LRPPRC: variants seen among roughly 807,000 people sequenced by gnomAD.
LRPPRC encodes leucine rich pentatricopeptide repeat containing.
Under a neutral mutation model 180.3 loss-of-function variants are expected in LRPPRC, and 120 were observed. The ratio of observed to expected loss-of-function variants is 0.67; its 90% CI spans 0.57 to 0.77. LRPPRC has a LOEUF of 0.77. Among genes scored for constraint, LRPPRC ranks in the 30% least tolerant of loss-of-function variants. LRPPRC has a pLI of 0.00. For missense variants in LRPPRC, 2,012 were observed against 1,657.2 expected (o/e 1.21, Z -3.72); for synonymous variants, 723 against 600.0 (o/e 1.21, Z -3.00).
chr2:43,974,095 G>A, intron 9 of LRPPRC, 55 bp downstream of exon 9: 8 of 1,505,410 alleles, frequency 5.3e-6, no homozygotes, highest in Non-Finnish European at 7.4e-6. Context: ...ATACTTTAAA[G>A]AATCTTATTT....
chr2:43,961,822 G>A (rs1399739222), intron 12 of LRPPRC, among the ~76,000 whole-genome samples: 1 of 152,116 alleles, frequency 6.6e-6, no homozygotes, highest in Non-Finnish European at 1.5e-5. Flanking sequence ...TCAGCTGGGT[G>A]TGGTGGTGGG....
chr2:43,947,236 A>C (rs1259314145), intron 20 of LRPPRC, 21 bp downstream of exon 20: 2 of 1,222,918 alleles, frequency 1.6e-6, no homozygotes, highest in Non-Finnish European at 1.2e-6. Flanking sequence ...AATAATATTT[A>C]AATATTAAAA....
chr2:43,975,089 A>G lies in LRPPRC; in HGVS notation c.864+2T>C, dbSNP rs863224053. ...GTATGTTTATTTAGACATAAGTCATACCTGCTTAACATGGTCAATGTCGCC... is the reference window on the plus strand; with the variant it reads ...GTATGTTTATTTAGACATAAGTCATGCCTGCTTAACATGGTCAATGTCGCC... On this transcript the variant is annotated splice_donor_variant, in intron 7 of 37. Transcript: ENST00000260665. LOFTEE classifies it high-confidence loss of function. The G allele has an allele frequency of 1.2e-6, 2 of 1,612,382 alleles. No individual in the cohort carries two copies. The highest frequency in any genetic ancestry group is 2.7e-5 in the African/African-American group (2 of 74,918).
chr2:43,922,211 T>C (rs370591523), intron 27 of LRPPRC, among the ~76,000 whole-genome samples: 5 of 152,214 alleles, frequency 3.3e-5, no homozygotes, highest in African/African-American at 9.6e-5. Flanking sequence ...ATTGAGTCCA[T>C]AGAAAATGAA....
chr2:43,926,357 A>G (rs1671877769), intron 25 of LRPPRC, among the ~76,000 whole-genome samples: 1 of 152,170 alleles, frequency 6.6e-6, no homozygotes, highest in African/African-American at 2.4e-5. Context: ...TCAAATAAAA[A>G]GTGTGTGTCA....
intron 29 of LRPPRC, among the ~76,000 whole-genome samples, chr2:43,917,285 A>G (rs1350875718): frequency 2.0e-5 from 3 of 151,796 alleles, no homozygotes; most frequent in Non-Finnish European, 4.4e-5. Context: ...GTGATCTGCC[A>G]GCTTTGGGAG....
At chr2:43,905,081 T>A (rs1671024837) in intron 31 of LRPPRC, among the ~76,000 whole-genome samples, 2 of 152,178 alleles carry the variant, frequency 1.3e-5, no homozygotes, top group African/African-American at 4.8e-5. Flanking sequence ...CATGTCCACA[T>A]CTTTCAGGTG....
At chr2:43,901,606 T>A (rs1670889751) in intron 31 of LRPPRC, 82 bp from the exon 32 acceptor site, 1 of 845,138 alleles carries the variant, frequency 1.2e-6, no homozygotes, top group Non-Finnish European at 2.0e-6. Flanking sequence ...CTTTTAAATA[T>A]GAGCACCAAA....
At chr2:43,988,568 AAAC>A (rs1674635829) in intron 1 of LRPPRC, among the ~76,000 whole-genome samples, 2 of 151,952 alleles carry the variant, frequency 1.3e-5, no homozygotes, top group African/African-American at 2.4e-5. Context: ...ACTGCTCAAT[AAAC>A]AATAGCTGTC....
In LRPPRC at chr2:43,887,603, G is replaced by A. The variant is rs1295650334; in HGVS notation, c.*997C>T. 1 of 152,080 alleles carries A rather than the reference G, an allele frequency of 6.6e-6. No homozygotes were observed. The highest frequency in any genetic ancestry group is 1.5e-5 in the Non-Finnish European group (1 of 68,018). The allele number at this position is 152,080 out of a possible 1,614,324, so 9.4% of individuals were successfully genotyped here. ...TTCTCAAAACATTTTCAACATTTCG[G>A]TAATTAATTACCTCATCTCCAGTTA... On this transcript the variant is annotated 3_prime_UTR_variant, in exon 38 of 38. Coordinates refer to ENST00000260665, the MANE Select transcript of LRPPRC (RefSeq NM_133259.4).
chr2:43,914,217 G>A (rs2105016029), intron 29 of LRPPRC, among the ~76,000 whole-genome samples: 1 of 152,062 alleles, frequency 6.6e-6, no homozygotes, highest in South Asian at 2.1e-4. Flanking sequence ...AACTTGGTGT[G>A]GCTGTGTAAT....
At chr2:43,935,341 T>C (rs1483689475) in intron 23 of LRPPRC, among the ~76,000 whole-genome samples, 1 of 152,198 alleles carries the variant, frequency 6.6e-6, no homozygotes, top group Non-Finnish European at 1.5e-5. Context: ...CACCAATAGC[T>C]AATAAGGAAT....
intron 13 of LRPPRC, among the ~76,000 whole-genome samples, chr2:43,958,304 G>T (rs1055702513): frequency 4.6e-5 from 7 of 152,126 alleles, no homozygotes; most frequent in African/African-American, 1.2e-4. Flanking sequence ...AATACAAAAA[G>T]GATGGGATTA....
chr2:43,953,216 CAT>C (rs1047159384), intron 14 of LRPPRC, among the ~76,000 whole-genome samples: 3 of 152,140 alleles, frequency 2.0e-5, no homozygotes, highest in Admixed American at 6.5e-5. Context: ...TATAAACATT[CAT>C]AGTTACGAAG....
At chr2:43,929,086 G>A (rs893537757) in intron 25 of LRPPRC, among the ~76,000 whole-genome samples, 2 of 152,098 alleles carry the variant, frequency 1.3e-5, no homozygotes, top group Non-Finnish European at 2.9e-5. Context: ...TTTTGATACC[G>A]TAAGTTTATG....
At chr2:43,971,927 A>G (rs1192583881) in intron 11 of LRPPRC, among the ~76,000 whole-genome samples, 1 of 152,216 alleles carries the variant, frequency 6.6e-6, no homozygotes, top group Non-Finnish European at 1.5e-5. Context: ...AGAACACACA[A>G]TATAAAAGCA....
At position 43,975,365 on chromosome 2, in the gene LRPPRC, G is replaced by A. The variant is rs992307405; in HGVS notation, c.738-148C>T. The A allele has an allele frequency of 5.2e-5, 32 of 617,820 alleles. No homozygotes were observed. In the African/African-American group the frequency reaches 5.2e-4, roughly 10 times the overall value. The allele number at this position is 617,820 out of a possible 1,614,324, so 38.3% of individuals were successfully genotyped here. The stretch of plus-strand genomic sequence containing the variant: ...AAAAGAACTAATGTATATTAAACTG[G>A]ATATATGTTTCTGAAATAATAAAGA... On this transcript the variant is annotated intron_variant, in intron 6 of 37. Transcript: ENST00000260665.
chr2:43,957,426 C>T lies in LRPPRC; in HGVS notation c.1608G>A (p.Ser536=), dbSNP rs557100519. ...GTAGGCTACTTCTTATAGACTGCAGCGAGATGGGCAATGTATTTGATTTCA... is the reference window on the plus strand; with the variant it reads ...GTAGGCTACTTCTTATAGACTGCAGTGAGATGGGCAATGTATTTGATTTCA... The part of the protein sequence containing the change: ...SFLKSNTLPI[S]LQSIRSSLLL... Residue 536 remains serine (S), a synonymous_variant, in exon 14 of 38, where the codon TCG becomes TCA. Transcript: ENST00000260665. The T allele has an allele frequency of 2.5e-6, 4 of 1,613,218 alleles. No individual in the cohort carries two copies. In the Admixed American group the frequency reaches 5.0e-5, roughly 20 times the overall value.
At position 43,974,258 on chromosome 2, in the gene LRPPRC, T is replaced by G; in HGVS notation, c.1047A>C (p.Lys349Asn). 6.2e-7 allele frequency: 1 copy of G among 1,611,928 alleles called. No homozygotes were observed. Residue 349 changes from lysine to asparagine, a missense_variant, in exon 9 of 38, where the codon AAA becomes AAC. Coordinates refer to ENST00000260665, the MANE Select transcript of LRPPRC (RefSeq NM_133259.4). Reference protein sequence around the residue: ...MNLILLLVTEKLEDVALQILL... With the variant: ...MNLILLLVTENLEDVALQILL... ...AAATTTGCAACGCTACATCTTCCAA[T>G]TTTTCAGTGACTAAAAGTAAAATGA...
Sources: allele counts gnomAD v4.1 joint callset (sites outside exome capture counted in the v4.1 genomes callset), GRCh38; gene constraint gnomAD v4.1.1; transcripts MANE v1.5; gene names NCBI Gene and HGNC (gene_info 2026-07-23, HGNC 2026-07-21).